ANKRD22: variants seen among roughly 807,000 people sequenced by gnomAD.
ANKRD22 encodes the protein ankyrin repeat domain-containing protein 22.
In ANKRD22, 24 loss-of-function variants were observed where a neutral mutation model predicts 25.7. The ratio of observed to expected loss-of-function variants is 0.93; its 90% confidence interval spans 0.68 to 1.31. The LOEUF (loss-of-function observed/expected upper bound fraction) is 1.31, where lower values mean the gene tolerates loss of function less well. Among genes scored for constraint, ANKRD22 ranks in the 50% most tolerant of loss-of-function variants. The pLI, the probability that ANKRD22 is intolerant of heterozygous loss-of-function variation, is 0.00. For missense variants in ANKRD22, 214 were observed against 227.1 expected (o/e 0.94, Z 0.37); for synonymous variants, 84 against 84.3 (o/e 1.00, Z 0.02).
chr10:88,841,584 C>T (rs1024239032), intron 1 of ANKRD22, among the ~76,000 whole-genome samples: 19 of 152,206 alleles, frequency 1.2e-4, no homozygotes, highest in Admixed American at 6.5e-4. Context: ...CATATATTTC[C>T]GTTAAAGTAA....
chr10:88,840,273 G>A (rs1843992469), intron 1 of ANKRD22, among the ~76,000 whole-genome samples: 1 of 152,100 alleles, frequency 6.6e-6, no homozygotes, highest in African/African-American at 2.4e-5. Flanking sequence ...CCGGTATGTT[G>A]ATGATTAACT....
rs12246340 is a variant in ANKRD22 at position 88,828,408 on chromosome 10, G to T, written c.321+151C>A. The stretch of plus-strand genomic sequence containing the variant: ...CTTGCTGTACTTCAATTATAGCATT[G>T]GATGTATGTTGAACATGTCAATTAC... On this transcript the variant is annotated intron_variant, in intron 3 of 5. Coordinates refer to ENST00000371930, the MANE Select transcript of ANKRD22 (RefSeq NM_144590.3). 0.014 allele frequency: 9,210 copies of T among 646,130 alleles called. 593 individuals carry two copies. The African/African-American group carries it at 0.15, about 10-fold the overall frequency. The allele number at this position is 646,130 out of a possible 1,614,324, so 40.0% of individuals were successfully genotyped here.
rs568461484 is a variant in ANKRD22, at chr10:88,825,007, T to TCACACACACACACA, written c.399+1030_399+1031insTGTGTGTGTGTGTG. On this transcript the variant is annotated intron_variant, in intron 4 of 5. Transcript: ENST00000371930. ...TTTGCTCTCTCTCTCTCTCTCTCTC[T>TCACACACACACACA]CTCTCACACACACACACACACACAC... Among the ~76,000 whole-genome samples the TCACACACACACACA allele has an allele frequency of 2.8e-3, 329 of 115,486 alleles. 1 individual carries two copies. The highest frequency in any genetic ancestry group is 5.1e-3 in the South Asian group (16 of 3,158). 75.8% of individuals were successfully genotyped at this position (115,486 alleles called of 152,430 possible).
At position 88,822,544 on chromosome 10, in the gene ANKRD22, C is replaced by CTGCTTTTTTTTTT. The variant is rs1554832256; in HGVS notation, c.*396_*397insAAAAAAAAAAGCA. 1.1e-4 allele frequency: 4 copies of CTGCTTTTTTTTTT among 36,436 alleles called. No individual in the cohort carries two copies. The highest frequency in any genetic ancestry group is 1.6e-4 in the African/African-American group (2 of 12,514). The allele number at this position is 36,436 out of a possible 1,614,324, so 2.3% of individuals were successfully genotyped here. On this transcript the variant is annotated 3_prime_UTR_variant, in exon 6 of 6. Coordinates refer to ENST00000371930, the MANE Select transcript of ANKRD22 (RefSeq NM_144590.3). ...AAAGACTGAGTTTGGAACACCAGGG[C>CTGCTTTTTTTTTT]TTTTTTTTTTTTTTTTTTTTTTGAG...
At chr10:88,849,628 T>G (rs1239034679) in intron 1 of ANKRD22, among the ~76,000 whole-genome samples, 6 of 152,278 alleles carry the variant, frequency 3.9e-5, no homozygotes, top group African/African-American at 7.2e-5. Context: ...CTTACAAGAT[T>G]GCTGTATTAA....
chr10:88,840,216 C>A (rs1189118572), intron 1 of ANKRD22, among the ~76,000 whole-genome samples: 2 of 151,996 alleles, frequency 1.3e-5, no homozygotes, highest in Non-Finnish European at 2.9e-5. Flanking sequence ...TCTTACTTGC[C>A]CAGGCACTAA....
chr10:88,843,856 T>C (rs996641018), intron 1 of ANKRD22, among the ~76,000 whole-genome samples: 1 of 152,186 alleles, frequency 6.6e-6, no homozygotes, highest in Admixed American at 6.6e-5. Context: ...TTCTACAAGA[T>C]AGACACATGT....
At chr10:88,826,968 A>C (rs1843861568) in intron 3 of ANKRD22, among the ~76,000 whole-genome samples, 1 of 152,202 alleles carries the variant, frequency 6.6e-6, no homozygotes, top group South Asian at 2.1e-4. Flanking sequence ...GAATTGAACA[A>C]ATTAATGAAA....
At chr10:88,835,147 G>A (rs1157326041) in intron 1 of ANKRD22, among the ~76,000 whole-genome samples, 1 of 152,064 alleles carries the variant, frequency 6.6e-6, no homozygotes, top group Non-Finnish European at 1.5e-5. Flanking sequence ...GCTTCTCAAA[G>A]TCTTTACTAA....
rs781538065 is a variant in ANKRD22 at position 88,825,933 on chromosome 10, T to A, written c.399+105A>T. The A allele has an allele frequency of 9.3e-5, 89 of 955,184 alleles. 4 individuals are homozygous for A. Among genetic ancestry groups the A allele is most frequent in the Middle Eastern group, 9.2e-4 (3 of 3,276 alleles). 59.2% of individuals were successfully genotyped at this position (955,184 alleles called of 1,614,324 possible). On this transcript the variant is annotated intron_variant, in intron 4 of 5. Transcript: ENST00000371930. The stretch of plus-strand genomic sequence containing the variant: ...AAGGAGAAAATAAAAGAAAACTAAA[T>A]GTAAAATTGTCTAGGAAAATAAAGC...
rs1843808626 is a variant in ANKRD22, at chr10:88,822,544, C to CTTTTGTTTTTTTTTTTTT, written c.*396_*397insAAAAAAAAAAAAACAAAA. 1 of 36,438 alleles carries CTTTTGTTTTTTTTTTTTT rather than the reference C, an allele frequency of 2.7e-5. No homozygotes were observed. The highest frequency in any genetic ancestry group is 3.8e-4 in the Admixed American group (1 of 2,600). 2.3% of individuals were successfully genotyped at this position (36,438 alleles called of 1,614,324 possible). A position where few individuals can be genotyped will look rare whatever the true frequency, so the allele number is the denominator to read the frequency against. On this transcript the variant is annotated 3_prime_UTR_variant, in exon 6 of 6. Transcript: ENST00000371930. The stretch of plus-strand genomic sequence containing the variant: ...AAAGACTGAGTTTGGAACACCAGGG[C>CTTTTGTTTTTTTTTTTTT]TTTTTTTTTTTTTTTTTTTTTTGAG...
At chr10:88,828,198 A>G (rs1284117605) in intron 3 of ANKRD22, among the ~76,000 whole-genome samples, 1 of 152,242 alleles carries the variant, frequency 6.6e-6, no homozygotes, top group Non-Finnish European at 1.5e-5. Context: ...AGTCAGAAAG[A>G]TAAATCCAAA....
chr10:88,845,058 T>G (rs1844035484), intron 1 of ANKRD22, among the ~76,000 whole-genome samples: 1 of 116,656 alleles, frequency 8.6e-6, no homozygotes, highest in South Asian at 3.2e-4. Context: ...TCTTGTCCTG[T>G]CCTCTTACAA....
chr10:88,841,190 A>G (rs538818791), intron 1 of ANKRD22, among the ~76,000 whole-genome samples: 78 of 152,210 alleles, frequency 5.1e-4, no homozygotes, highest in Admixed American at 2.1e-3. Context: ...AAAGCAGAAG[A>G]TCCTTCACCT....
chr10:88,830,399 A>G (rs1843892658), intron 2 of ANKRD22, among the ~76,000 whole-genome samples: 1 of 152,142 alleles, frequency 6.6e-6, no homozygotes, highest in African/African-American at 2.4e-5. Flanking sequence ...GTGCTTCTGA[A>G]TCTCCAGCAG....
At chr10:88,841,290 C>T (rs1205874126) in intron 1 of ANKRD22, among the ~76,000 whole-genome samples, 1 of 151,986 alleles carries the variant, frequency 6.6e-6, no homozygotes, top group East Asian at 1.9e-4. Context: ...CTACCTCAGA[C>T]CACCACAGAG....
chr10:88,835,418 A>AT (rs1052205971), intron 1 of ANKRD22, among the ~76,000 whole-genome samples: 1 of 152,144 alleles, frequency 6.6e-6, no homozygotes, highest in African/African-American at 2.4e-5. Flanking sequence ...TTGTTAGGTG[A>AT]TTTTGTCATT....
chr10:88,829,859 CT>C (rs1843888409), intron 2 of ANKRD22, among the ~76,000 whole-genome samples: 1 of 152,218 alleles, frequency 6.6e-6, no homozygotes, highest in African/African-American at 2.4e-5. Context: ...TCACTGCAGC[CT>C]TGACTTCCTG....
Position 88,851,567 on chromosome 10 carries a change from C to CT in ANKRD22, c.21+19dup, listed in dbSNP as rs1564609421. 1 of 1,612,942 alleles carries CT rather than the reference C, an allele frequency of 6.2e-7. No individual in the cohort carries two copies. Among genetic ancestry groups the CT allele is most frequent in the South Asian group, 1.1e-5 (1 of 91,032 alleles). Reference sequence around the variant, plus strand: ...AACTTTTAACATCTTTGGAACTCTGCTTTCAGAAAGGTGATGTACCTCAGA... The same window carrying CT: ...AACTTTTAACATCTTTGGAACTCTGCTTTTCAGAAAGGTGATGTACCTCAGA... On this transcript the variant is annotated intron_variant, in intron 1 of 5. Coordinates refer to ENST00000371930, the MANE Select transcript of ANKRD22 (RefSeq NM_144590.3).
Sources: gnomAD v4.1 joint callset for allele counts (sites outside exome capture counted in the v4.1 genomes callset) on GRCh38, gnomAD v4.1.1 for gene constraint, MANE v1.5 for transcripts, NCBI Gene and HGNC (gene_info 2026-07-23, HGNC 2026-07-21) for gene names.